CDYL: variants seen among roughly 807,000 people sequenced by gnomAD.
The protein encoded by CDYL is chromodomain Y-like protein.
CDYL carries 8 observed loss-of-function variants against 47.3 expected under a neutral mutation model. The ratio of observed to expected loss-of-function variants is 0.17; its 90% CI spans 0.10 to 0.31. The LOEUF (loss-of-function observed/expected upper bound fraction) is 0.31, where lower values mean the gene tolerates loss of function less well. Among genes scored for constraint, CDYL ranks in the 10% least tolerant of loss-of-function variants. CDYL has a pLI of 1.00. For missense variants in CDYL, 471 were observed against 701.4 expected, an observed-to-expected ratio of 0.67 and a Z score of 3.71; for synonymous variants, 266 against 265.0, an observed-to-expected ratio of 1.00 and a Z score of -0.04.
chr6:4,888,010 C>T (rs1162990080), intron 1 of CDYL, among the ~76,000 whole-genome samples: 2 of 151,756 alleles, frequency 1.3e-5, no homozygotes, highest in African/African-American at 4.8e-5. Context: ...AATTGACTTT[C>T]ACATATTAAA....
intron 5 of CDYL, 154 bp downstream of exon 5, chr6:4,943,910 G>T (rs1033370407): frequency 3.5e-6 from 2 of 574,398 alleles, no homozygotes; most frequent in African/African-American, 3.7e-5. Context: ...AGACGTTGTT[G>T]ACCTTTGTTG....
At chr6:4,890,623 G>A (rs568327177) in intron 1 of CDYL, among the ~76,000 whole-genome samples, 1 of 152,170 alleles carries the variant, frequency 6.6e-6, no homozygotes, top group East Asian at 1.9e-4. Context: ...CGTTCTCTAC[G>A]ATCATCAGCA....
intron 1 of CDYL, among the ~76,000 whole-genome samples, chr6:4,839,041 G>C (rs1760409553): frequency 6.6e-6 from 1 of 152,086 alleles, no homozygotes; most frequent in Non-Finnish European, 1.5e-5. Context: ...TCACATTCCT[G>C]CCAGCAGTGT....
chr6:4,939,291 C>CT (rs1014486877), intron 4 of CDYL, among the ~76,000 whole-genome samples: 5 of 151,922 alleles, frequency 3.3e-5, no homozygotes, highest in African/African-American at 1.2e-4. Context: ...TAGGGGGGCT[C>CT]TTTTTTCTGT....
chr6:4,852,959 T>C (rs979621891), intron 1 of CDYL, among the ~76,000 whole-genome samples: 2 of 152,110 alleles, frequency 1.3e-5, no homozygotes, highest in Non-Finnish European at 2.9e-5. Flanking sequence ...CCAGCTAATA[T>C]TTTAATTCTT....
chr6:4,839,381 C>G (rs1268362357), intron 1 of CDYL, among the ~76,000 whole-genome samples: 5 of 152,194 alleles, frequency 3.3e-5, no homozygotes, highest in Non-Finnish European at 7.3e-5. Flanking sequence ...TCTGTTTACT[C>G]TGCTGATTGT....
intron 1 of CDYL, among the ~76,000 whole-genome samples, chr6:4,819,336 G>C (rs1045171522): frequency 6.7e-6 from 1 of 149,436 alleles, no homozygotes; most frequent in Non-Finnish European, 1.5e-5. Context: ...AAAGAATTAC[G>C]TGTGTCAATC....
intron 5 of CDYL, among the ~76,000 whole-genome samples, chr6:4,949,741 AAG>A (rs1322077407): frequency 2.6e-5 from 4 of 152,248 alleles, no homozygotes; most frequent in African/African-American, 7.2e-5. Context: ...GTGTTTATAT[AAG>A]AATATGCTCA....
chr6:4,731,931 G>A (rs189950417), intron 2 of CDYL, among the ~76,000 whole-genome samples: 146 of 152,092 alleles, frequency 9.6e-4, no homozygotes, highest in African/African-American at 3.4e-3. Context: ...ATTTCTTTTC[G>A]GTGTCAATTA....
chr6:4,756,704 T>A (rs1320110267), intron 3 of CDYL, among the ~76,000 whole-genome samples: 1 of 151,986 alleles, frequency 6.6e-6, no homozygotes, highest in Non-Finnish European at 1.5e-5. Flanking sequence ...TTGAAATGAG[T>A]TTACATGTAA....
chr6:4,848,564 G>A (rs1412366545), intron 1 of CDYL, among the ~76,000 whole-genome samples: 3 of 152,230 alleles, frequency 2.0e-5, no homozygotes, highest in African/African-American at 7.2e-5. Context: ...CGACACAGGA[G>A]AGAGTCTGCA....
chr6:4,854,093 C>T (rs193141549), intron 1 of CDYL, among the ~76,000 whole-genome samples: 33 of 152,322 alleles, frequency 2.2e-4, no homozygotes, highest in Admixed American at 8.5e-4. Flanking sequence ...TGTGCACACA[C>T]GGCCTCCTCC....
Position 4,810,396 on chromosome 6 carries a change from A to G in CDYL, c.24+33589A>G, listed in dbSNP as rs1026674035. Reference sequence around the variant, plus strand: ...TGGTACCCTTTAATGACTCCCTGTGATTATATGTCTAGTACCAGTTAACTA... The same window carrying G: ...TGGTACCCTTTAATGACTCCCTGTGGTTATATGTCTAGTACCAGTTAACTA... On this transcript the variant is annotated intron_variant, in intron 1 of 6. Coordinates refer to ENST00000397588, the MANE Select transcript of CDYL (RefSeq NM_004824.4). Among the ~76,000 whole-genome samples, 8 of 152,126 alleles carry G rather than the reference A, an allele frequency of 5.3e-5. No individual in the cohort carries two copies. In the South Asian group the frequency reaches 6.2e-4, roughly 12 times the overall value.
chr6:4,718,808 T>C (rs1757317766), intron 2 of CDYL, among the ~76,000 whole-genome samples: 1 of 152,246 alleles, frequency 6.6e-6, no homozygotes, highest in Non-Finnish European at 1.5e-5. Flanking sequence ...CATGGCCTTT[T>C]TTGACATATG....
At chr6:4,724,455 T>G (rs1757450640) in intron 2 of CDYL, 1 of 152,604 alleles carries the variant, frequency 6.6e-6, no homozygotes, top group Non-Finnish European at 1.5e-5. Flanking sequence ...GTCTATACCC[T>G]GAAGCAACCT....
intron 1 of CDYL, among the ~76,000 whole-genome samples, chr6:4,855,711 T>C (rs1561672188): frequency 1.3e-5 from 2 of 152,218 alleles, no homozygotes; most frequent in African/African-American, 2.4e-5. Context: ...CACGTAAGCA[T>C]ATAAGATGAA....
At chr6:4,882,910 G>A (rs916816711) in intron 1 of CDYL, among the ~76,000 whole-genome samples, 3 of 152,034 alleles carry the variant, frequency 2.0e-5, no homozygotes, top group African/African-American at 7.3e-5. Context: ...ACAAGTTGAC[G>A]TACATTCTTG....
At chr6:4,935,369 C>A in intron 2 of CDYL, 146 bp from the exon 3 acceptor site, 1 of 721,298 alleles carries the variant, frequency 1.4e-6, no homozygotes. Flanking sequence ...TAGACTTTGG[C>A]TTTCTAAAGG....
chr6:4,827,425 C>T (rs889479757), intron 1 of CDYL, among the ~76,000 whole-genome samples: 3 of 151,990 alleles, frequency 2.0e-5, no homozygotes, highest in Non-Finnish European at 4.4e-5. Context: ...TTTGGATTCC[C>T]TTCTCATTTC....
Sources: gnomAD v4.1 joint callset for allele counts (sites outside exome capture counted in the v4.1 genomes callset) on GRCh38, gnomAD v4.1.1 for gene constraint, MANE v1.5 for transcripts, NCBI Gene and HGNC (gene_info 2026-07-23, HGNC 2026-07-21) for gene names.